The following VCAN variants were observed in gnomAD, a reference collection of about 807,000 sequenced individuals.
VCAN encodes the protein versican.
VCAN carries 44 observed loss-of-function variants against 245.5 expected under a neutral mutation model. That is an observed-to-expected ratio of 0.18 (90% confidence interval 0.14 to 0.23). The LOEUF is 0.23. VCAN is among the 10% of genes least tolerant of loss of function. VCAN has a pLI of 1.00. For synonymous variants in VCAN, 1,413 were observed against 1,437.0 expected (o/e 0.98, Z 0.38); for missense variants, 3,793 against 4,057.9 (o/e 0.93, Z 1.77).
chr5:83,546,937 G>C (rs1218045125), intron 9 of VCAN, among the ~76,000 whole-genome samples: 1 of 152,080 alleles, frequency 6.6e-6, no homozygotes, highest in Non-Finnish European at 1.5e-5. Context: ...TTTCATCAGG[G>C]GAGATCATAT....
intron 1 of VCAN, among the ~76,000 whole-genome samples, chr5:83,481,542 T>A (rs571411316): frequency 6.6e-6 from 1 of 152,264 alleles, no homozygotes; most frequent in East Asian, 1.9e-4. Flanking sequence ...ATAGAAACAT[T>A]ATGGCATTTC....
rs751023698 is a variant in VCAN, at chr5:83,537,039, C to T, written c.4036C>T (p.Pro1346Ser). 6.2e-7 allele frequency: 1 copy of T among 1,607,578 alleles called. No individual in the cohort carries two copies. Among genetic ancestry groups the T allele is most frequent in the Non-Finnish European group, 8.5e-7 (1 of 1,177,274 alleles). The change falls in exon 8 of 15, where the codon CCA (proline) becomes TCA (serine). Residue 1346 changes from proline to serine, a missense_variant. Physicochemically the swap from Pro to Ser is moderately conservative, Grantham distance 74. Coordinates refer to ENST00000265077, the MANE Select transcript of VCAN (RefSeq NM_004385.5). Reference protein sequence around the residue: ...RMSDLSVIGHPIDSESKEDEP... With the variant: ...RMSDLSVIGHSIDSESKEDEP... Reference sequence around the variant, plus strand: ...GAGTGATTTGAGTGTAATTGGTCATCCAATAGATTCAGAATCTAAAGAAGA... The same window carrying T: ...GAGTGATTTGAGTGTAATTGGTCATTCAATAGATTCAGAATCTAAAGAAGA...
At chr5:83,528,543 C>T (rs1746389386) in intron 7 of VCAN, among the ~76,000 whole-genome samples, 1 of 152,142 alleles carries the variant, frequency 6.6e-6, no homozygotes, top group Non-Finnish European at 1.5e-5. Context: ...ACTCTGCCAG[C>T]TTCTTGAGGA....
rs1427785650 is a variant in VCAN at position 83,521,288 on chromosome 5, T to C, written c.2982T>C (p.Asp994=). Residue 994 remains aspartate (D), a synonymous_variant, in exon 7 of 15, where the codon GAT becomes GAC. Coordinates refer to ENST00000265077, the MANE Select transcript of VCAN (RefSeq NM_004385.5). ...GVLVPSVPSE[D]EVLGEPSQDI... is the part of the protein sequence containing the mutation. ...TAGTACCTTCTGTTCCATCAGAAGATGAAGTTCTAGGTGAACCCTCTCAAG... is the reference window on the plus strand; with the variant it reads ...TAGTACCTTCTGTTCCATCAGAAGACGAAGTTCTAGGTGAACCCTCTCAAG... The C allele has an allele frequency of 2.5e-6, 4 of 1,613,984 alleles. No individual in the cohort carries two copies. Among genetic ancestry groups the C allele is most frequent in the African/African-American group, 1.3e-5 (1 of 74,938 alleles).
At position 83,537,126 on chromosome 5, in the gene VCAN, T is replaced by G. The variant is rs1457504418; in HGVS notation, c.4123T>G (p.Phe1375Val). Residue 1375 changes from phenylalanine (F) to valine (V), a missense_variant, in exon 8 of 15, where the codon TTC (phenylalanine) becomes GTC (valine). By Grantham distance (50) the Phe-to-Val change is conservative. Around this residue, in one of 5 missense-constraint regions of VCAN, gnomAD observed 3,182 missense variants for 3,250.3 expected, o/e 0.98. Transcript: ENST00000265077. The stretch of plus-strand genomic sequence containing the variant: ...TCTAATGGCTGAAATTTTACCTGAA[T>G]TCCCTGACATAATTGAAATAGACCT... ...HDLMAEILPE[F>V]PDIIEIDLYH... The G allele has an allele frequency of 6.2e-7, 1 of 1,613,854 alleles. No homozygotes were observed. Among genetic ancestry groups the G allele is most frequent in the African/African-American group, 1.3e-5 (1 of 75,022 alleles).
intron 7 of VCAN, among the ~76,000 whole-genome samples, chr5:83,531,595 T>A (rs995895771): frequency 6.6e-6 from 1 of 152,172 alleles, no homozygotes; most frequent in Non-Finnish European, 1.5e-5. Context: ...AGAAATGTGA[T>A]CCTAATATAT....
chr5:83,504,343 C>A (rs1214057001), intron 5 of VCAN, among the ~76,000 whole-genome samples: 2 of 151,760 alleles, frequency 1.3e-5, no homozygotes, highest in Non-Finnish European at 2.9e-5. Flanking sequence ...TCATATTTTA[C>A]ATGTACACTA....
Position 83,512,212 on chromosome 5 carries a change from A to G in VCAN, c.858A>G (p.Ala286=). The G allele has an allele frequency of 6.2e-7, 1 of 1,614,184 alleles. No individual in the cohort carries two copies. ...CAACAGTGGGGGAACTCCAGGCGGC[A>G]TGGAGGAACGGCTTTGACCAGTGCG... ...RLATVGELQA[A]WRNGFDQCDY... The change falls in exon 6 of 15, where the codon GCA becomes GCG. Residue 286 remains alanine (A), a synonymous_variant. Coordinates refer to ENST00000265077, the MANE Select transcript of VCAN (RefSeq NM_004385.5).
intron 13 of VCAN, among the ~76,000 whole-genome samples, chr5:83,578,856 G>GTTCATTTTTTTAAAGCAT (rs1215043823): frequency 1.3e-5 from 2 of 152,036 alleles, no homozygotes; most frequent in African/African-American, 4.8e-5. Context: ...TTTAATCAAA[G>GTTCATTTTTTTAAAGCAT]TTCATTTTTT....
At position 83,483,524 on chromosome 5, in the gene VCAN, C is replaced by T. The variant is rs966795182; in HGVS notation, c.6C>T (p.Phe2=). Reference sequence around the variant, plus strand: ...TTCTTCATTTCTAGGCCAAGATGTTCATAAATATAAAGAGCATCTTATGGA... The same window carrying T: ...TTCTTCATTTCTAGGCCAAGATGTTTATAAATATAAAGAGCATCTTATGGA... The part of the protein sequence containing the change: M[F]INIKSILWMC... Residue 2 remains phenylalanine (F), a synonymous_variant, in exon 2 of 15, where the codon TTC becomes TTT. Coordinates refer to ENST00000265077, the MANE Select transcript of VCAN (RefSeq NM_004385.5). 6.2e-7 allele frequency: 1 copy of T among 1,613,208 alleles called. No individual in the cohort carries two copies. Among genetic ancestry groups the T allele is most frequent in the Non-Finnish European group, 8.5e-7 (1 of 1,179,464 alleles).
rs139966361 is a variant in VCAN, at chr5:83,507,938, C to T, written c.749-4165C>T. Reference sequence around the variant, plus strand: ...AAAACTGCATGTTTTTAATGAGATACGGGGTTGAAAGACTTATTCCTGGAA... The same window carrying T: ...AAAACTGCATGTTTTTAATGAGATATGGGGTTGAAAGACTTATTCCTGGAA... On this transcript the variant is annotated intron_variant, in intron 5 of 14. Coordinates refer to ENST00000265077, the MANE Select transcript of VCAN (RefSeq NM_004385.5). 1.5e-4 allele frequency among the ~76,000 whole-genome samples: 23 copies of T among 152,206 alleles called. No homozygotes were observed. The East Asian group carries it at 1.7e-3, about 11-fold the overall frequency.
intron 11 of VCAN, 60 bp from the exon 12 acceptor site, chr5:83,554,896 A>G: frequency 2.0e-6 from 3 of 1,476,144 alleles, no homozygotes; most frequent in Non-Finnish European, 9.5e-7. Flanking sequence ...TTTCTTTGAT[A>G]TATTTTCATC....
intron 7 of VCAN, among the ~76,000 whole-genome samples, chr5:83,526,734 A>G (rs1746315700): frequency 6.6e-6 from 1 of 152,218 alleles, no homozygotes; most frequent in African/African-American, 2.4e-5. Context: ...GCTGAATAAA[A>G]CACATTAAAC....
chr5:83,581,015 A>G lies in VCAN; in HGVS notation c.*581A>G, dbSNP rs1439550612. 1 of 169,916 alleles carries G rather than the reference A, an allele frequency of 5.9e-6. No homozygotes were observed. The highest frequency in any genetic ancestry group is 1.3e-5 in the Non-Finnish European group (1 of 77,734). 10.5% of individuals were successfully genotyped at this position (169,916 alleles called of 1,614,324 possible). On this transcript the variant is annotated 3_prime_UTR_variant, in exon 15 of 15. Transcript: ENST00000265077. ...GTAGGTCATTGCACCTATCTCAGCC[A>G]TAGGTGCAGTTTGCTTCTACATGAT...
chr5:83,526,240 G>T (rs1158153782), intron 7 of VCAN, among the ~76,000 whole-genome samples: 1 of 152,244 alleles, frequency 6.6e-6, no homozygotes, highest in South Asian at 2.1e-4. Flanking sequence ...GCCCAGCCAA[G>T]TCATCACTTT....
At chr5:83,483,489 C>G in intron 1 of VCAN, 24 bp from the exon 2 acceptor site, 1 of 1,596,330 alleles carries the variant, frequency 6.3e-7, no homozygotes, top group South Asian at 1.1e-5. Flanking sequence ...TTGTGATTTA[C>G]TTTGTGTTTT....
At chr5:83,574,303 G>T (rs1748398719) in intron 13 of VCAN, among the ~76,000 whole-genome samples, 1 of 152,064 alleles carries the variant, frequency 6.6e-6, no homozygotes, top group Admixed American at 6.6e-5. Flanking sequence ...AGGTTTCTAG[G>T]TATTCCTTAA....
At chr5:83,478,173 T>C (rs1277443865) in intron 1 of VCAN, among the ~76,000 whole-genome samples, 3 of 152,080 alleles carry the variant, frequency 2.0e-5, no homozygotes, top group African/African-American at 7.2e-5. Flanking sequence ...CTTGAACTCC[T>C]GACCTCAAGT....
chr5:83,507,734 G>T (rs908521477), intron 5 of VCAN, among the ~76,000 whole-genome samples: 1 of 152,082 alleles, frequency 6.6e-6, no homozygotes, highest in Non-Finnish European at 1.5e-5. Context: ...TCTATTACTG[G>T]CCCAGACTTC....
Sources: gnomAD v4.1 joint callset for allele counts (sites outside exome capture counted in the v4.1 genomes callset) on GRCh38, gnomAD v4.1.1 for gene constraint, gnomAD v4.1.1 regional missense constraint, MANE v1.5 for transcripts, NCBI Gene and HGNC (gene_info 2026-07-23, HGNC 2026-07-21) for gene names.